The following KMT5B variants were observed in gnomAD, a reference collection of about 807,000 sequenced individuals.
KMT5B encodes the protein lysine methyltransferase 5B, also known as histone-lysine N-methyltransferase KMT5B.
Under a neutral mutation model 83.2 loss-of-function variants are expected in KMT5B, and 10 were observed. The observed-to-expected ratio is 0.12, with a 90% CI of 0.07 to 0.20. KMT5B has a LOEUF of 0.20. KMT5B is among the 10% of genes least tolerant of loss of function. The pLI is 1.00. For synonymous variants in KMT5B, 349 were observed against 388.8 expected (o/e 0.90, Z 1.20); for missense variants, 753 against 1,067.2 (o/e 0.71, Z 4.10).
chr11:68,173,159 G>A (rs1234215292), intron 6 of KMT5B, among the ~76,000 whole-genome samples: 1 of 152,126 alleles, frequency 6.6e-6, no homozygotes, highest in East Asian at 1.9e-4. Context: ...TCCTGCCTCA[G>A]CCACCCGAGT....
intron 1 of KMT5B, among the ~76,000 whole-genome samples, chr11:68,197,337 G>C (rs894662147): frequency 6.6e-6 from 1 of 152,158 alleles, no homozygotes; most frequent in Non-Finnish European, 1.5e-5. Flanking sequence ...TTGGGGATGA[G>C]GCCCAGCAAT....
upstream of KMT5B, chr11:68,213,305 G>C (rs1017601393): frequency 2.0e-5 from 3 of 147,526 alleles, no homozygotes. Context: ...ATGGCGGCGC[G>C]GGCCGCAGCA....
chr11:68,165,733 TTTA>T, intron 10 of KMT5B: 1 of 1,421,802 alleles, frequency 7.0e-7, no homozygotes. Flanking sequence ...TTATGCTGCA[TTTA>T]TTATGAGAAT....
At chr11:68,203,203 T>C (rs1431856849) in intron 1 of KMT5B, among the ~76,000 whole-genome samples, 1 of 152,130 alleles carries the variant, frequency 6.6e-6, no homozygotes, top group Non-Finnish European at 1.5e-5. Flanking sequence ...CTCGAACTCC[T>C]GACCTCGTGA....
chr11:68,179,720 T>C (rs1856733963), intron 4 of KMT5B: 20 of 933,584 alleles, frequency 2.1e-5, no homozygotes, highest in South Asian at 1.5e-4. Flanking sequence ...AATAAAACCA[T>C]GAGGCAACAT....
chr11:68,158,578 G>C lies in KMT5B; in HGVS notation c.1768C>G (p.Leu590Val), dbSNP rs1859473470. Residue 590 changes from leucine to valine, a missense_variant, in exon 11 of 11, where the codon CTG becomes GTG. Leu to Val is a conservative substitution (Grantham distance 32). Around this residue, in one of 9 missense-constraint regions of KMT5B, gnomAD observed 397 missense variants for 395.9 expected, o/e 1.00. Coordinates refer to ENST00000304363, the MANE Select transcript of KMT5B (RefSeq NM_017635.5). ...QPAPVLQEEE[L>V]AHETAQKGEA... ...CCTTTTTGTGCAGTCTCATGAGCCA[G>C]TTCTTCCTCCTGCAGCACAGGAGCT... is the stretch of plus-strand genomic sequence containing the variant. The C allele has an allele frequency of 1.2e-6, 2 of 1,614,190 alleles. No homozygotes were observed. The highest frequency in any genetic ancestry group is 4.5e-5 in the East Asian group (2 of 44,882).
chr11:68,207,200 C>T (rs527805542), intron 1 of KMT5B, among the ~76,000 whole-genome samples: 112 of 147,468 alleles, frequency 7.6e-4, no homozygotes, highest in Non-Finnish European at 1.4e-3. Flanking sequence ...GGCGACAGAG[C>T]GAGACTCCGT....
intron 5 of KMT5B, chr11:68,174,220 CAATAA>C (rs1233010505): frequency 4.5e-6 from 2 of 441,860 alleles, no homozygotes; most frequent in Non-Finnish European, 8.7e-6. Context: ...TCTAAAAAAA[CAATAA>C]AATAAACAAA....
At chr11:68,196,384 T>C (rs1187356762) in intron 1 of KMT5B, among the ~76,000 whole-genome samples, 1 of 150,948 alleles carries the variant, frequency 6.6e-6, no homozygotes, top group Non-Finnish European at 1.5e-5. Context: ...TATGTGACTA[T>C]ATTGTTTAAG....
intron 2 of KMT5B, chr11:68,189,715 T>C: frequency 2.4e-6 from 1 of 409,394 alleles, no homozygotes. Flanking sequence ...AAAATAATTA[T>C]ATGAAGCATT....
intron 10 of KMT5B, among the ~76,000 whole-genome samples, chr11:68,161,742 C>T (rs553074831): frequency 1.8e-3 from 271 of 152,176 alleles, no homozygotes; most frequent in Non-Finnish European, 2.2e-3. Context: ...CCTTCTCCAT[C>T]CCTGGCACCC....
chr11:68,211,791 T>C (rs1343242021), intron 1 of KMT5B, among the ~76,000 whole-genome samples: 1 of 152,124 alleles, frequency 6.6e-6, no homozygotes, highest in African/African-American at 2.4e-5. Context: ...TGGGAAGCTA[T>C]TGGAGCCAGA....
In KMT5B at chr11:68,158,535, T is replaced by C; in HGVS notation, c.1811A>G (p.Lys604Arg). 6.2e-7 allele frequency: 1 copy of C among 1,614,208 alleles called. No individual in the cohort carries two copies. Among genetic ancestry groups the C allele is most frequent in the Non-Finnish European group, 8.5e-7 (1 of 1,180,016 alleles). The change falls in exon 11 of 11, where the codon AAG becomes AGG. Residue 604 changes from lysine (K) to arginine (R), a missense_variant. This residue lies in a region of KMT5B where 397 missense variants were observed against 395.9 expected (regional missense o/e 1.00). Coordinates refer to ENST00000304363, the MANE Select transcript of KMT5B (RefSeq NM_017635.5). Reference protein sequence around the residue: ...TAQKGEAKCHKSDTGMSKKKS... With the variant: ...TAQKGEAKCHRSDTGMSKKKS... ...CTTTTTGGACATGCCTGTGTCACTC[T>C]TATGACACTTTGCCTCCCCTTTTTG...
chr11:68,170,516 G>T (rs1469798415), intron 9 of KMT5B, among the ~76,000 whole-genome samples: 3 of 152,114 alleles, frequency 2.0e-5, no homozygotes, highest in African/African-American at 7.2e-5. Flanking sequence ...AGATCTGGGG[G>T]ATTTCTGTAA....
chr11:68,159,105 G>C lies in KMT5B; in HGVS notation c.1241C>G (p.Ser414Cys). The change falls in exon 11 of 11, where the codon TCT becomes TGT. Residue 414 changes from serine (S) to cysteine (C), a missense_variant. Physicochemically the swap from Ser to Cys is moderately radical, Grantham distance 112. This residue lies in a region of KMT5B where 397 missense variants were observed against 395.9 expected (regional missense o/e 1.00). Coordinates refer to ENST00000304363, the MANE Select transcript of KMT5B (RefSeq NM_017635.5). The part of the protein sequence containing the change: ...NSKSRTLTRQ[S>C]MSRIPASSNS... Reference sequence around the variant, plus strand: ...GGAAGAAGCTGGAATTCTTGACATAGATTGCCTCGTTAACGTTCTGCTCTT... The same window carrying C: ...GGAAGAAGCTGGAATTCTTGACATACATTGCCTCGTTAACGTTCTGCTCTT... 6.2e-7 allele frequency: 1 copy of C among 1,601,768 alleles called. No homozygotes were observed. The highest frequency in any genetic ancestry group is 8.5e-7 in the Non-Finnish European group (1 of 1,177,152).
intron 1 of KMT5B, among the ~76,000 whole-genome samples, chr11:68,209,866 CCTT>C (rs1176090304): frequency 1.3e-5 from 2 of 148,962 alleles, no homozygotes; most frequent in African/African-American, 2.5e-5. Context: ...TTTCTTTCCC[CCTT>C]TTTTTTTTTT....
chr11:68,159,465 C>T (rs1854667687), intron 10 of KMT5B, among the ~76,000 whole-genome samples: 1 of 152,210 alleles, frequency 6.6e-6, no homozygotes, highest in Non-Finnish European at 1.5e-5. Context: ...TGTCGTGACA[C>T]TGGCCCAAAC....
chr11:68,163,670 C>T (rs1442824420), intron 10 of KMT5B, among the ~76,000 whole-genome samples: 6 of 152,322 alleles, frequency 3.9e-5, no homozygotes, highest in South Asian at 2.1e-4. Flanking sequence ...ATCCAGAAGG[C>T]CTCTGACAGG....
chr11:68,209,865 CCCT>C (rs1386857540), intron 1 of KMT5B, among the ~76,000 whole-genome samples: 2 of 149,236 alleles, frequency 1.3e-5, no homozygotes, highest in Non-Finnish European at 3.0e-5. Context: ...TTTTCTTTCC[CCCT>C]TTTTTTTTTT....
Sources: allele counts gnomAD v4.1 joint callset (sites outside exome capture counted in the v4.1 genomes callset), GRCh38; gene constraint gnomAD v4.1.1; regional missense constraint gnomAD v4.1.1; transcripts MANE v1.5; gene names NCBI Gene and HGNC (gene_info 2026-07-23, HGNC 2026-07-21).